Variants in MYO7A observed in about 807,000 individuals in gnomAD.
MYO7A encodes unconventional myosin-VIIa.
MYO7A carries 210 observed loss-of-function variants against 263.8 expected under a neutral mutation model. That is an observed-to-expected ratio of 0.80 (90% CI 0.71 to 0.89). The LOEUF is 0.89. MYO7A is among the 40% of genes least tolerant of loss of function. MYO7A has a pLI of 0.00. For missense variants in MYO7A, 2,820 were observed against 2,968.3 expected, an observed-to-expected ratio of 0.95 and a Z score of 1.16; for synonymous variants, 1,239 against 1,197.3, an observed-to-expected ratio of 1.03 and a Z score of -0.72.
chr11:77,208,648 ACTC>A (rs775501870), intron 43 of MYO7A, 46 bp from the exon 44 acceptor site: 2 of 1,512,536 alleles, frequency 1.3e-6, no homozygotes, highest in South Asian at 2.4e-5. Flanking sequence ...GGACGTGAGC[ACTC>A]CTCTGTGCAG....
intron 2 of MYO7A, among the ~76,000 whole-genome samples, chr11:77,141,036 T>C (rs1951178468): frequency 2.0e-5 from 3 of 152,214 alleles, no homozygotes; most frequent in African/African-American, 4.8e-5. Context: ...ATACACACTA[T>C]GGATTATGAC....
chr11:77,150,370 G>A (rs1299804336), intron 4 of MYO7A, among the ~76,000 whole-genome samples: 1 of 152,142 alleles, frequency 6.6e-6, no homozygotes, highest in Non-Finnish European at 1.5e-5. Context: ...GGGAGAGGGA[G>A]GAAAAAACTT....
At chr11:77,203,634 G>A (rs182899493) in intron 38 of MYO7A, among the ~76,000 whole-genome samples, 1 of 152,306 alleles carries the variant, frequency 6.6e-6, no homozygotes, top group Admixed American at 6.5e-5. Context: ...GACTTAGCCA[G>A]GCAAAGGGGA....
chr11:77,158,231 T>G (rs1591277276), intron 8 of MYO7A, 46 bp from the exon 9 acceptor site: 1 of 1,519,478 alleles, frequency 6.6e-7, no homozygotes, highest in Non-Finnish European at 8.9e-7. Flanking sequence ...CCTCTGGGGG[T>G]ACACTGACGT....
In MYO7A at chr11:77,202,427, G is replaced by T; in HGVS notation, c.5168+3G>T. On this transcript the variant is annotated splice_donor_region_variant and intron_variant, in intron 37 of 48. Transcript: ENST00000409709. ...GAGTTTTCCTATGACTACTTCAGGT[G>T]ATGCCTCCTGGGGAAGGATGGGAGC... 6.4e-7 allele frequency: 1 copy of T among 1,550,564 alleles called. No homozygotes were observed. The highest frequency in any genetic ancestry group is 1.2e-5 in the South Asian group (1 of 84,024).
intron 27 of MYO7A, among the ~76,000 whole-genome samples, chr11:77,188,734 C>T (rs1555089773): frequency 5.9e-5 from 9 of 152,194 alleles, no homozygotes; most frequent in Non-Finnish European, 1.5e-5. Context: ...TGTAAGGATT[C>T]CTTTAAAATG....
intron 42 of MYO7A, 129 bp from the exon 43 acceptor site, chr11:77,208,301 C>T (rs1957598994): frequency 1.4e-6 from 1 of 734,906 alleles, no homozygotes. Flanking sequence ...GGCTGACACA[C>T]AGAAACCCCT....
In MYO7A at chr11:77,201,483, G is replaced by A; in HGVS notation, c.4888G>A (p.Gly1630Arg). ...GTCAGGCTTCCTCAGCTTTGCCAAG[G>A]GAGACCTCATCATCCTGGACCATGA... ...EESGFLSFAK[G>R]DLIILDHDTG... The change falls in exon 36 of 49, where the codon GGA (glycine) becomes AGA (arginine). Residue 1630 changes from glycine to arginine, a missense_variant. Transcript: ENST00000409709. 6.2e-7 allele frequency: 1 copy of A among 1,613,944 alleles called. No individual in the cohort carries two copies. Among genetic ancestry groups the A allele is most frequent in the Non-Finnish European group, 8.5e-7 (1 of 1,179,876 alleles).
chr11:77,145,883 G>T (rs1272310420), intron 3 of MYO7A, among the ~76,000 whole-genome samples: 1 of 152,160 alleles, frequency 6.6e-6, no homozygotes, highest in Admixed American at 6.5e-5. Flanking sequence ...AAGTGAGGGG[G>T]CTGGAATGGG....
At chr11:77,135,069 GC>G (rs1459561266) in intron 2 of MYO7A, among the ~76,000 whole-genome samples, 1 of 152,218 alleles carries the variant, frequency 6.6e-6, no homozygotes. Context: ...ACAGGAGTGA[GC>G]CCCATGGCTG....
chr11:77,199,212 GACA>G (rs1050574513), intron 34 of MYO7A, among the ~76,000 whole-genome samples: 1 of 152,206 alleles, frequency 6.6e-6, no homozygotes, highest in Admixed American at 6.5e-5. Flanking sequence ...ATGCAGTAGT[GACA>G]AGATAGTCCT....
rs782166819 is a variant in MYO7A at position 77,156,990 on chromosome 11, C to G, written c.721C>G (p.Arg241Gly). ...KIEQYLLEKS[R>G]VCRQALDERN... Reference sequence around the variant, plus strand: ...TGAGCAGTACCTGCTGGAAAAGTCACGTGTCTGTCGCCAGGTGGGCCTGAG... The same window carrying G: ...TGAGCAGTACCTGCTGGAAAAGTCAGGTGTCTGTCGCCAGGTGGGCCTGAG... Residue 241 changes from arginine to glycine, a missense_variant, in exon 7 of 49, where the codon CGT becomes GGT. Physicochemically the swap from Arg to Gly is moderately radical, Grantham distance 125. Coordinates refer to ENST00000409709, the MANE Select transcript of MYO7A (RefSeq NM_000260.4). The G allele has an allele frequency of 1.2e-6, 2 of 1,613,268 alleles. No individual in the cohort carries two copies. Among genetic ancestry groups the G allele is most frequent in the South Asian group, 1.1e-5 (1 of 91,064 alleles).
At chr11:77,176,758 T>C (rs1555080287) in intron 18 of MYO7A, among the ~76,000 whole-genome samples, 1 of 152,190 alleles carries the variant, frequency 6.6e-6, no homozygotes, top group African/African-American at 2.4e-5. Context: ...GATTATCTGA[T>C]GGATTTGGCT....
intron 46 of MYO7A, 27 bp downstream of exon 46, chr11:77,211,964 G>A (rs749525735): frequency 1.9e-6 from 3 of 1,561,826 alleles, no homozygotes; most frequent in Non-Finnish European, 2.6e-6. Flanking sequence ...TCAGAGCAGA[G>A]GAGGAGGGGA....
chr11:77,177,554 C>A lies in MYO7A; in HGVS notation c.2193C>A (p.His731Gln). The change falls in exon 19 of 49, where the codon CAC (histidine) becomes CAA (glutamine). Residue 731 changes from histidine to glutamine, a missense_variant. By Grantham distance (24) the His-to-Gln change is conservative. Coordinates refer to ENST00000409709, the MANE Select transcript of MYO7A (RefSeq NM_000260.4). ...TCAGGAGCTCTGCCTCCTAGGACCA[C>A]CATGACATGCTGCTGGAAGTGGAGC... ...IGKTKIFLKD[H>Q]HDMLLEVERD... 1.2e-6 allele frequency: 2 copies of A among 1,610,294 alleles called. No homozygotes were observed. The highest frequency in any genetic ancestry group is 1.7e-6 in the Non-Finnish European group (2 of 1,178,660).
chr11:77,158,357 C>T lies in MYO7A; in HGVS notation c.930C>T (p.Phe310=), dbSNP rs1211317807. ...NIRSAMKVLM[F]TDTENWEISK... Reference sequence around the variant, plus strand: ...GCTCCGCCATGAAGGTGCTCATGTTCACTGACACCGAGAACTGGGAGATCT... The same window carrying T: ...GCTCCGCCATGAAGGTGCTCATGTTTACTGACACCGAGAACTGGGAGATCT... Residue 310 remains phenylalanine (F), a synonymous_variant, in exon 9 of 49, where the codon TTC becomes TTT. Coordinates refer to ENST00000409709, the MANE Select transcript of MYO7A (RefSeq NM_000260.4). 3.4e-5 allele frequency: 55 copies of T among 1,613,324 alleles called. No individual in the cohort carries two copies. The highest frequency in any genetic ancestry group is 4.7e-5 in the Non-Finnish European group (55 of 1,179,806).
rs367668576 is a variant in MYO7A at position 77,183,079 on chromosome 11, C to A, written c.3297C>A (p.Pro1099=). 6.4e-7 allele frequency: 1 copy of A among 1,551,378 alleles called. No individual in the cohort carries two copies. Among genetic ancestry groups the A allele is most frequent in the South Asian group, 1.2e-5 (1 of 84,036 alleles). ...TGCTGGTCCTGCAGGCCCAGCTCCC[C>A]GAGGGCCAGAAGAAGAGCAGTGTGA... ...ALQGEGEAQL[P]EGQKKSSVRH... The change falls in exon 26 of 49, where the codon CCC becomes CCA. Residue 1099 remains proline (P), a synonymous_variant. Transcript: ENST00000409709.
intron 18 of MYO7A, among the ~76,000 whole-genome samples, chr11:77,176,832 C>T (rs982532151): frequency 3.9e-5 from 6 of 152,134 alleles, no homozygotes; most frequent in Non-Finnish European, 7.4e-5. Context: ...TTGTGGCAGC[C>T]CCTCCCCTCC....
Position 77,182,561 on chromosome 11 carries a change from G to C in MYO7A, c.3246G>C (p.Thr1082=). 1 of 1,613,270 alleles carries C rather than the reference G, an allele frequency of 6.2e-7. No individual in the cohort carries two copies. The highest frequency in any genetic ancestry group is 8.5e-7 in the Non-Finnish European group (1 of 1,179,850). ...TTTATGAGACCCTGGGCAAGAAGAC[G>C]TACAAGAGGGAGCTGCAGGCCCTGC... ...TKIYETLGKK[T]YKRELQALQG... The change falls in exon 25 of 49, where the codon ACG becomes ACC. Residue 1082 remains threonine, a synonymous_variant. Transcript: ENST00000409709.
Sources: allele counts gnomAD v4.1 joint callset (sites outside exome capture counted in the v4.1 genomes callset), GRCh38; gene constraint gnomAD v4.1.1; transcripts MANE v1.5; gene names NCBI Gene and HGNC (gene_info 2026-07-23, HGNC 2026-07-21).